The following LDB3 variants were observed in gnomAD, a reference collection of about 807,000 sequenced individuals.
The protein encoded by LDB3 is LIM domain-binding protein 3.
In LDB3, 49 loss-of-function variants were observed where a neutral mutation model predicts 69.0. That is an observed-to-expected ratio of 0.71 (90% CI 0.56 to 0.90). The LOEUF is 0.90. Among genes scored for constraint, LDB3 ranks in the 40% least tolerant of loss-of-function variants. The probability of loss-of-function intolerance (pLI) is 0.00; values close to 1 mark genes in which losing one functional copy is unlikely to be tolerated. For missense variants in LDB3, 928 were observed against 974.1 expected (o/e 0.95, Z 0.63); for synonymous variants, 387 against 396.2 (o/e 0.98, Z 0.28).
chr10:86,682,415 G>A (rs1845209634), intron 5 of LDB3, among the ~76,000 whole-genome samples: 1 of 152,080 alleles, frequency 6.6e-6, no homozygotes, highest in Non-Finnish European at 1.5e-5. Flanking sequence ...GGAGAAAGGG[G>A]CTGTGCAGGA....
At chr10:86,681,852 T>C (rs762955577) in intron 5 of LDB3, 49 bp downstream of exon 5, 1 of 1,519,508 alleles carries the variant, frequency 6.6e-7, no homozygotes, top group Admixed American at 2.2e-5. Flanking sequence ...GCCACCTGGG[T>C]CCTCGGTGCT....
intron 9 of LDB3, 133 bp downstream of exon 9, chr10:86,710,183 C>A: frequency 6.5e-7 from 1 of 1,527,320 alleles, no homozygotes; most frequent in South Asian, 1.2e-5. Flanking sequence ...GATGCTCCGC[C>A]CTCCGTCCCC....
chr10:86,714,431 G>A (rs984898045), intron 9 of LDB3, among the ~76,000 whole-genome samples: 3 of 152,146 alleles, frequency 2.0e-5, no homozygotes, highest in African/African-American at 7.2e-5. Context: ...TACTAGCTCT[G>A]TCTGAGCCTC....
At chr10:86,714,303 G>C (rs1318390631) in intron 9 of LDB3, among the ~76,000 whole-genome samples, 1 of 152,124 alleles carries the variant, frequency 6.6e-6, no homozygotes, top group South Asian at 2.1e-4. Flanking sequence ...TCTCCTTCAT[G>C]TTGAAAATGA....
intron 2 of LDB3, among the ~76,000 whole-genome samples, chr10:86,670,109 G>A (rs1452354520): frequency 6.6e-6 from 1 of 152,140 alleles, no homozygotes; most frequent in Admixed American, 6.5e-5. Flanking sequence ...CCTTATAATA[G>A]CCATAGAGGC....
chr10:86,685,811 C>T (rs1432917311), intron 5 of LDB3: 1 of 1,255,732 alleles, frequency 8.0e-7, no homozygotes, highest in African/African-American at 1.5e-5. Context: ...CATGTATGTG[C>T]ATATGTATGA....
At position 86,732,963 on chromosome 10, in the gene LDB3, C is replaced by T. The variant is rs181027948; in HGVS notation, c.2171C>T (p.Thr724Ile). 1 of 1,613,572 alleles carries T rather than the reference C, an allele frequency of 6.2e-7. No individual in the cohort carries two copies. Among genetic ancestry groups the T allele is most frequent in the African/African-American group, 1.3e-5 (1 of 75,066 alleles). Residue 724 changes from threonine (T) to isoleucine (I), a missense_variant, in exon 14 of 14, where the codon ACC (threonine) becomes ATC (isoleucine). Thr to Ile is a moderately conservative substitution (Grantham distance 89, BLOSUM62 -1). Coordinates refer to ENST00000361373, the MANE Select transcript of LDB3 (RefSeq NM_007078.3). ...DRPLCKKHAH[T>I]INL ...CCCCTGTGCAAGAAGCACGCACACA[C>T]CATCAACTTGTAGGCGGCCAAGGCC...
intron 7 of LDB3, among the ~76,000 whole-genome samples, chr10:86,693,989 G>A (rs975249829): frequency 1.3e-5 from 2 of 152,140 alleles, no homozygotes; most frequent in Non-Finnish European, 2.9e-5. Flanking sequence ...TCCCTCCTCT[G>A]AGACCCAGAG....
rs970637819 is a variant in LDB3 at position 86,699,637 on chromosome 10, G to A, written c.897-6894G>A. 8 of 1,343,394 alleles carry A rather than the reference G, an allele frequency of 6.0e-6. No homozygotes were observed. Among genetic ancestry groups the A allele is most frequent in the Non-Finnish European group, 7.7e-6 (8 of 1,040,690 alleles). The allele number at this position is 1,343,394 out of a possible 1,614,324, so 83.2% of individuals were successfully genotyped here. ...CAAATAGCCCGTAGCCCAATCCCCT[G>A]CCCTCTGCACAGGGCCTTAGCTGTA... is the stretch of plus-strand genomic sequence containing the variant. On this transcript the variant is annotated intron_variant, in intron 7 of 13. Coordinates refer to ENST00000361373, the MANE Select transcript of LDB3 (RefSeq NM_007078.3). This position sits in a 1 kb window ranked among gnomAD's most constrained non-coding sequence, Gnocchi z 4.9.
intron 13 of LDB3, 190 bp downstream of exon 13, chr10:86,726,442 T>G (rs1187798913): frequency 1.7e-5 from 11 of 629,046 alleles, no homozygotes; most frequent in Non-Finnish European, 3.2e-5. Flanking sequence ...AATAATTATT[T>G]ATAAACCAAT....
In LDB3 at chr10:86,687,254, A is replaced by G. The variant is rs1310394018; in HGVS notation, c.690-4642A>G. On this transcript the variant is annotated intron_variant, in intron 5 of 13. Transcript: ENST00000361373. ...GCCATCGCTGGGCAGGCCCAAGCCCAAGGCAGTGACTTCAGTGGGTAAGCG... is the reference window on the plus strand; with the variant it reads ...GCCATCGCTGGGCAGGCCCAAGCCCGAGGCAGTGACTTCAGTGGGTAAGCG... 15 of 1,614,048 alleles carry G rather than the reference A, an allele frequency of 9.3e-6. No homozygotes were observed. Among genetic ancestry groups the G allele is most frequent in the Non-Finnish European group, 1.2e-5 (14 of 1,180,030 alleles).
chr10:86,709,506 G>A (rs952216292), intron 8 of LDB3, among the ~76,000 whole-genome samples: 6 of 152,194 alleles, frequency 3.9e-5, no homozygotes, highest in Admixed American at 2.0e-4. Flanking sequence ...GAAAAGGGTA[G>A]GCAGAAGAGG....
chr10:86,693,941 G>T (rs1056937381), intron 7 of LDB3, among the ~76,000 whole-genome samples: 1 of 152,296 alleles, frequency 6.6e-6, no homozygotes, highest in East Asian at 1.9e-4. Context: ...ATCCCCCCGG[G>T]TTCCTTCCAG....
At chr10:86,702,068 A>T (rs1846282176) in intron 7 of LDB3, among the ~76,000 whole-genome samples, 1 of 152,192 alleles carries the variant, frequency 6.6e-6, no homozygotes, top group African/African-American at 2.4e-5. Context: ...AGCCATAGTC[A>T]CCAGGCAGCA....
chr10:86,700,374 G>A (rs948855001), intron 7 of LDB3, among the ~76,000 whole-genome samples: 3 of 152,116 alleles, frequency 2.0e-5, no homozygotes, highest in African/African-American at 7.2e-5. Flanking sequence ...CCAGCAGACT[G>A]AGCCATTGTC....
intron 2 of LDB3, 144 bp from the exon 3 acceptor site, chr10:86,679,223 G>C (rs1382025698): frequency 2.1e-6 from 2 of 971,484 alleles, no homozygotes; most frequent in East Asian, 5.2e-5. Context: ...ACTAGGCTTG[G>C]TTAGCAGCTG....
At position 86,679,892 on chromosome 10, in the gene LDB3, G is replaced by A. The variant is rs558779855; in HGVS notation, c.246-190G>A. Among the ~76,000 whole-genome samples, 210 of 152,298 alleles carry A rather than the reference G, an allele frequency of 1.4e-3. 1 individual carries two copies. The highest frequency in any genetic ancestry group is 4.8e-3 in the African/African-American group (199 of 41,552). ...CAGGGGCCATGATTTCTCCATCCTCGTCGGGCCCAGGGCCTTCTTGGGGAG... is the reference window on the plus strand; with the variant it reads ...CAGGGGCCATGATTTCTCCATCCTCATCGGGCCCAGGGCCTTCTTGGGGAG... On this transcript the variant is annotated intron_variant, in intron 3 of 13. Transcript: ENST00000361373.
At chr10:86,695,843 A>C (rs917784326) in intron 7 of LDB3, among the ~76,000 whole-genome samples, 5 of 152,162 alleles carry the variant, frequency 3.3e-5, no homozygotes, top group African/African-American at 9.7e-5. Context: ...AGGCATCTGG[A>C]TCCCACTGCT....
At chr10:86,689,554 T>C (rs954533996) in intron 5 of LDB3, among the ~76,000 whole-genome samples, 10 of 152,220 alleles carry the variant, frequency 6.6e-5, no homozygotes, top group African/African-American at 2.2e-4. Context: ...ATACCTGTGT[T>C]CTTCTTGCCG....
Sources: gnomAD v4.1 joint callset for allele counts (sites outside exome capture counted in the v4.1 genomes callset) on GRCh38, gnomAD v4.1.1 for gene constraint, Gnocchi (gnomAD v3.1) non-coding constraint, MANE v1.5 for transcripts, NCBI Gene and HGNC (gene_info 2026-07-23, HGNC 2026-07-21) for gene names.